VAMP4: variants seen among roughly 807,000 people sequenced by gnomAD.
VAMP4 encodes vesicle associated membrane protein 4, also known as vesicle-associated membrane protein 4.
In VAMP4, 19 loss-of-function variants were observed where a neutral mutation model predicts 23.5. The ratio of observed to expected loss-of-function variants is 0.81; its 90% CI spans 0.56 to 1.19. VAMP4 has a LOEUF of 1.19. VAMP4 is among the 50% of genes most tolerant of loss of function. VAMP4 has a pLI of 0.00. For synonymous variants in VAMP4, 31 were observed against 51.0 expected, an observed-to-expected ratio of 0.61 and a Z score of 1.67; for missense variants, 145 against 168.6, an observed-to-expected ratio of 0.86 and a Z score of 0.78.
chr1:171,734,097 A>G (rs890638842), intron 2 of VAMP4, among the ~76,000 whole-genome samples: 2 of 151,894 alleles, frequency 1.3e-5, no homozygotes, highest in African/African-American at 4.8e-5. Context: ...GTGGAACCCC[A>G]TCTCTACTAA....
intron 6 of VAMP4, among the ~76,000 whole-genome samples, 158 bp downstream of exon 6, chr1:171,709,507 T>A (rs533024117): frequency 8.5e-5 from 13 of 152,300 alleles, no homozygotes; most frequent in Admixed American, 5.9e-4. Context: ...CCAAAAGCAA[T>A]TAAGTTAACA....
intron 4 of VAMP4, 53 bp downstream of exon 4, chr1:171,719,118 C>T: frequency 6.5e-7 from 1 of 1,548,346 alleles, no homozygotes; most frequent in South Asian, 1.2e-5. Flanking sequence ...GTTTGCCAAT[C>T]TCTAGTCTAC....
chr1:171,712,607 A>G (rs1654883885), intron 4 of VAMP4, among the ~76,000 whole-genome samples: 2 of 152,188 alleles, frequency 1.3e-5, no homozygotes, highest in Admixed American at 1.3e-4. Context: ...GGAGGATATA[A>G]GACTGAAGCT....
At chr1:171,725,485 G>C (rs1402021140) in intron 3 of VAMP4, among the ~76,000 whole-genome samples, 2 of 152,082 alleles carry the variant, frequency 1.3e-5, no homozygotes, top group Non-Finnish European at 2.9e-5. Context: ...TCCTTTTTGA[G>C]GGGTAGCTAT....
Position 171,741,921 on chromosome 1 carries a change from G to GGGGAACTCCCGGCAGCGCTCCCA in VAMP4, c.-62_-61insTGGGAGCGCTGCCGGGAGTTCCC, listed in dbSNP as rs1655938009. On this transcript the variant is annotated 5_prime_UTR_variant, in exon 1 of 8. An upstream open reading frame in the 5' UTR loses its in-frame stop. Coordinates refer to ENST00000236192, the MANE Select transcript of VAMP4 (RefSeq NM_003762.5). ...GCCAGCGCCAGTACCTGAGGCTCCC[G>GGGGAACTCCCGGCAGCGCTCCCA]GGGAACTCCCGGCAGCTCTCCCGGG... 1 of 152,330 alleles carries GGGGAACTCCCGGCAGCGCTCCCA rather than the reference G, an allele frequency of 6.6e-6. No individual in the cohort carries two copies. The highest frequency in any genetic ancestry group is 1.5e-5 in the Non-Finnish European group (1 of 68,144). 9.4% of individuals were successfully genotyped at this position (152,330 alleles called of 1,614,324 possible). A position where few individuals can be genotyped will look rare whatever the true frequency, so the allele number is the denominator to read the frequency against.
At chr1:171,728,261 C>CA (rs1655439746) in intron 3 of VAMP4, among the ~76,000 whole-genome samples, 2 of 152,136 alleles carry the variant, frequency 1.3e-5, no homozygotes. Context: ...TAGTTATCAA[C>CA]ATCTTCTTGG....
intron 3 of VAMP4, among the ~76,000 whole-genome samples, chr1:171,728,304 T>A (rs1366943256): frequency 6.6e-6 from 1 of 152,166 alleles, no homozygotes; most frequent in Non-Finnish European, 1.5e-5. Flanking sequence ...AAATAGATGA[T>A]TCTCCTTCTG....
rs184643108 is a variant in VAMP4 at position 171,711,574 on chromosome 1, A to G, written c.165-760T>C. Among the ~76,000 whole-genome samples, 602 of 152,246 alleles carry G rather than the reference A, an allele frequency of 4.0e-3. 7 individuals are homozygous for G. Among genetic ancestry groups the G allele is most frequent in the African/African-American group, 0.013 (560 of 41,566 alleles). On this transcript the variant is annotated intron_variant, in intron 4 of 7. Coordinates refer to ENST00000236192, the MANE Select transcript of VAMP4 (RefSeq NM_003762.5). ...GACTTAACCTAAACTTAAAATTGTA[A>G]TAACTGTCCTCAGCTATCTACTCTC... is the stretch of plus-strand genomic sequence containing the variant.
intron 4 of VAMP4, among the ~76,000 whole-genome samples, chr1:171,715,279 T>C (rs902331749): frequency 1.3e-5 from 2 of 152,206 alleles, no homozygotes; most frequent in African/African-American, 4.8e-5. Context: ...TTAAAGGCTA[T>C]TCATATAAGA....
chr1:171,728,445 A>G, intron 3 of VAMP4, 79 bp downstream of exon 3: 1 of 1,215,464 alleles, frequency 8.2e-7, no homozygotes, highest in East Asian at 2.6e-5. Flanking sequence ...TATCTGTCAA[A>G]ATGTATACAG....
At chr1:171,736,566 G>A (rs547488469) in intron 2 of VAMP4, among the ~76,000 whole-genome samples, 102 of 152,230 alleles carry the variant, frequency 6.7e-4, no homozygotes, top group African/African-American at 2.2e-3. Context: ...TTGGCAACAT[G>A]GAAATCATTG....
At chr1:171,713,832 G>GA (rs201108194) in intron 4 of VAMP4, among the ~76,000 whole-genome samples, 3,252 of 151,458 alleles carry the variant, frequency 0.021, 51 homozygotes, top group Middle Eastern at 0.048. Context: ...TGTCTCAAAG[G>GA]AAAAAAAACA....
intron 3 of VAMP4, among the ~76,000 whole-genome samples, chr1:171,720,016 A>T (rs3766653): frequency 0.17 from 26,067 of 151,574 alleles, 2,333 homozygotes; most frequent in Middle Eastern, 0.25. Flanking sequence ...AGCAATTGAT[A>T]AAAAAATTTT....
chr1:171,707,761 T>A (rs1191725204), intron 6 of VAMP4, among the ~76,000 whole-genome samples: 1 of 152,140 alleles, frequency 6.6e-6, no homozygotes, highest in African/African-American at 2.4e-5. Flanking sequence ...TGATGACTAT[T>A]TAAAAATATG....
In VAMP4 at chr1:171,704,455, A is replaced by G; in HGVS notation, c.*51T>C. Reference sequence around the variant, plus strand: ...TAGGTTTCATTTAAATTATGCAGCAATCTTTTATTACTGTCCCAGATCTTG... The same window carrying G: ...TAGGTTTCATTTAAATTATGCAGCAGTCTTTTATTACTGTCCCAGATCTTG... On this transcript the variant is annotated 3_prime_UTR_variant, in exon 8 of 8. Transcript: ENST00000236192. 2 of 1,481,890 alleles carry G rather than the reference A, an allele frequency of 1.3e-6. No individual in the cohort carries two copies. The highest frequency in any genetic ancestry group is 2.4e-5 in the East Asian group (1 of 40,962). The allele number at this position is 1,481,890 out of a possible 1,614,324, so 91.8% of individuals were successfully genotyped here. A position where few individuals can be genotyped will look rare whatever the true frequency, so the allele number is the denominator to read the frequency against.
chr1:171,712,801 A>G (rs1010886010), intron 4 of VAMP4, among the ~76,000 whole-genome samples: 8 of 152,220 alleles, frequency 5.3e-5, no homozygotes, highest in Non-Finnish European at 1.0e-4. Context: ...ATGAGAACCT[A>G]CTATGTACTG....
rs1476414945 is a variant in VAMP4 at position 171,700,607 on chromosome 1, G to C, written c.*3899C>G. On this transcript the variant is annotated 3_prime_UTR_variant, in exon 8 of 8. Coordinates refer to ENST00000236192, the MANE Select transcript of VAMP4 (RefSeq NM_003762.5). ...TTTTCCACACCCAATTACAGTAGAA[G>C]AGCACCCCTATATCCAGGCAAAAGC... 6.6e-6 allele frequency: 1 copy of C among 152,168 alleles called. No homozygotes were observed. Among genetic ancestry groups the C allele is most frequent in the African/African-American group, 2.4e-5 (1 of 41,432 alleles). The allele number at this position is 152,168 out of a possible 1,614,324, so 9.4% of individuals were successfully genotyped here.
chr1:171,709,809 A>C, intron 5 of VAMP4, 65 bp from the exon 6 acceptor site: 2 of 1,248,534 alleles, frequency 1.6e-6, no homozygotes, highest in Non-Finnish European at 2.3e-6. Flanking sequence ...ATCTAGTCAC[A>C]CAAAGATAAG....
chr1:171,725,045 A>G (rs773142910), intron 3 of VAMP4, among the ~76,000 whole-genome samples: 3 of 152,160 alleles, frequency 2.0e-5, no homozygotes, highest in Non-Finnish European at 2.9e-5. Flanking sequence ...GAACTTTTTC[A>G]TCTTTCAAAA....
Sources: allele counts gnomAD v4.1 joint callset (sites outside exome capture counted in the v4.1 genomes callset), GRCh38; gene constraint gnomAD v4.1.1; transcripts MANE v1.5; gene names NCBI Gene and HGNC (gene_info 2026-07-23, HGNC 2026-07-21).